The following SBNO2 variants were observed in gnomAD, a reference collection of about 807,000 sequenced individuals.
SBNO2 encodes strawberry notch homolog 2, also known as protein strawberry notch homolog 2.
Under a neutral mutation model 146.3 loss-of-function variants are expected in SBNO2, and 89 were observed. The ratio of observed to expected loss-of-function variants is 0.61; its 90% confidence interval spans 0.51 to 0.73. SBNO2 has a LOEUF of 0.73. Ranked by LOEUF, SBNO2 falls within the 30% of genes least tolerant of loss-of-function variation. The pLI is 0.00. For missense variants in SBNO2, 2,092 were observed against 2,003.7 expected (o/e 1.04, Z -0.84); for synonymous variants, 1,147 against 892.6 (o/e 1.29, Z -5.08).
chr19:1,147,200 G>T, intron 4 of SBNO2, 109 bp downstream of exon 4: 1 of 715,548 alleles, frequency 1.4e-6, no homozygotes. Flanking sequence ...CCAAGCCGAG[G>T]TCACTGAGTC....
rs749107699 is a variant in SBNO2, at chr19:1,109,822, G to C, written c.3029-45C>G. On this transcript the variant is annotated intron_variant, in intron 26 of 31. Coordinates refer to ENST00000361757, the MANE Select transcript of SBNO2 (RefSeq NM_014963.3). This position sits in a 1 kb window ranked among gnomAD's most constrained non-coding sequence, Gnocchi z 4.2. ...GTAAGTGGTGTCCAGGCCTGGGACTGTGGGCTGGGGCCAGGGTCAGTCCCG... is the reference window on the plus strand; with the variant it reads ...GTAAGTGGTGTCCAGGCCTGGGACTCTGGGCTGGGGCCAGGGTCAGTCCCG... 1.8e-5 allele frequency: 26 copies of C among 1,425,614 alleles called. No individual in the cohort carries two copies. Among genetic ancestry groups the C allele is most frequent in the Non-Finnish European group, 2.4e-5 (25 of 1,034,996 alleles). 88.3% of individuals were successfully genotyped at this position (1,425,614 alleles called of 1,614,324 possible). A position where few individuals can be genotyped will look rare whatever the true frequency, so the allele number is the denominator to read the frequency against.
chr19:1,135,759 G>A (rs576340199), intron 4 of SBNO2, among the ~76,000 whole-genome samples: 4 of 152,330 alleles, frequency 2.6e-5, no homozygotes, highest in East Asian at 1.9e-4. Flanking sequence ...AACAGGCTAC[G>A]GGGATGGGAG....
rs1375004212 is a variant in SBNO2, at chr19:1,140,193, G to A, written c.279+7116C>T. Among the ~76,000 whole-genome samples the A allele has an allele frequency of 5.9e-5, 9 of 151,830 alleles. No homozygotes were observed. Among genetic ancestry groups the A allele is most frequent in the Non-Finnish European group, 2.9e-5 (2 of 67,942 alleles). On this transcript the variant is annotated intron_variant, in intron 4 of 31. Transcript: ENST00000361757. The surrounding 1 kb of genome is among the most constrained non-coding windows in gnomAD (Gnocchi z 4.4). Reference sequence around the variant, plus strand: ...TGGGCACCTGTAGTCCCAGCTACTCGGGAGGCTGAGGCGGGAGAATGGCAT... The same window carrying A: ...TGGGCACCTGTAGTCCCAGCTACTCAGGAGGCTGAGGCGGGAGAATGGCAT...
At chr19:1,162,970 G>A (rs980682050) in intron 1 of SBNO2, among the ~76,000 whole-genome samples, 1 of 152,132 alleles carries the variant, frequency 6.6e-6, no homozygotes, top group African/African-American at 2.4e-5. Flanking sequence ...AGCCTGTGCT[G>A]GGGACGTATG....
chr19:1,121,406 G>C (rs1168147174), intron 11 of SBNO2, among the ~76,000 whole-genome samples: 1 of 152,208 alleles, frequency 6.6e-6, no homozygotes, highest in Non-Finnish European at 1.5e-5. Flanking sequence ...TTTCTGGCCA[G>C]TCTGAATGTT....
intron 3 of SBNO2, among the ~76,000 whole-genome samples, chr19:1,148,364 T>C (rs1173689312): frequency 6.6e-6 from 1 of 151,964 alleles, no homozygotes; most frequent in Non-Finnish European, 1.5e-5. Context: ...TGGCTATACC[T>C]GCTCCCAAGC....
In SBNO2 at chr19:1,122,790, TGC is replaced by T; in HGVS notation, c.781-1_781del. The T allele has an allele frequency of 6.5e-7, 1 of 1,538,018 alleles. No homozygotes were observed. The highest frequency in any genetic ancestry group is 8.7e-7 in the Non-Finnish European group (1 of 1,146,300). On this transcript the variant is annotated splice_acceptor_variant and coding_sequence_variant, in exon 9 of 32. Transcript: ENST00000361757. LOFTEE classifies it high-confidence loss of function. ...CCCGCTGGGGAGCAGGACCTCGTGT[TGC>T]TGTTGCCGGAGAGCAGGCGTCAGGG...
rs949821071 is a variant in SBNO2 at position 1,140,425 on chromosome 19, G to GA, written c.279+6883dup. On this transcript the variant is annotated intron_variant, in intron 4 of 31. Transcript: ENST00000361757. This position sits in a 1 kb window ranked among gnomAD's most constrained non-coding sequence, Gnocchi z 4.4. ...TGAGCCATCACCCACCAGGGACATT[G>GA]AGCCTGATGGCTTCGCGCCAACCTG... Among the ~76,000 whole-genome samples, 2 of 152,330 alleles carry GA rather than the reference G, an allele frequency of 1.3e-5. No individual in the cohort carries two copies. Among genetic ancestry groups the GA allele is most frequent in the Non-Finnish European group, 2.9e-5 (2 of 68,026 alleles).
chr19:1,149,676 AC>A (rs1440493736), intron 2 of SBNO2, among the ~76,000 whole-genome samples: 1 of 152,060 alleles, frequency 6.6e-6, no homozygotes, highest in Non-Finnish European at 1.5e-5. Flanking sequence ...GCACTGAACC[AC>A]CCGCGTGAAG....
At chr19:1,156,977 CACAGCCCT>C (rs2080296181) in intron 1 of SBNO2, among the ~76,000 whole-genome samples, 6 of 151,506 alleles carry the variant, frequency 4.0e-5, no homozygotes, top group East Asian at 2.0e-4. Flanking sequence ...CCTCAGGACC[CACAGCCCT>C]GCCTTTCCGC....
chr19:1,146,950 G>A (rs2080196415), intron 4 of SBNO2, among the ~76,000 whole-genome samples: 1 of 152,180 alleles, frequency 6.6e-6, no homozygotes, highest in East Asian at 1.9e-4. Context: ...GGACTCCAAT[G>A]TGCAGGGTGT....
rs1298557421 is a variant in SBNO2, at chr19:1,108,426, C to T, written c.3895G>A (p.Asp1299Asn). 1 of 1,259,464 alleles carries T rather than the reference C, an allele frequency of 7.9e-7. No homozygotes were observed. Among genetic ancestry groups the T allele is most frequent in the Non-Finnish European group, 1.0e-6 (1 of 997,180 alleles). 78.0% of individuals were successfully genotyped at this position (1,259,464 alleles called of 1,614,324 possible). ...VPLGTPDAQADPAALAHQGCD... is the reference protein window; with the variant it reads ...VPLGTPDAQANPAALAHQGCD... ...CCCTGGTGCGCGAGGGCCGCAGGGT[C>T]GGCCTGGGCGTCGGGGGTGCCCAGC... The change falls in exon 32 of 32, where the codon GAC becomes AAC. Residue 1299 changes from aspartate to asparagine, a missense_variant. Coordinates refer to ENST00000361757, the MANE Select transcript of SBNO2 (RefSeq NM_014963.3).
intron 11 of SBNO2, among the ~76,000 whole-genome samples, chr19:1,121,382 A>G (rs957328676): frequency 1.3e-5 from 2 of 152,170 alleles, no homozygotes; most frequent in Non-Finnish European, 2.9e-5. Context: ...AGACACCAGC[A>G]GTCTCCCGTT....
rs2080269540 is a variant in SBNO2 at position 1,154,343 on chromosome 19, C to T, written c.-67G>A. The T allele has an allele frequency of 2.2e-6, 2 of 891,810 alleles. No individual in the cohort carries two copies. The highest frequency in any genetic ancestry group is 3.5e-5 in the African/African-American group (2 of 57,684). The allele number at this position is 891,810 out of a possible 1,614,324, so 55.2% of individuals were successfully genotyped here. The stretch of plus-strand genomic sequence containing the variant: ...GGCGGGACTCCAGGACCCGGGGCCG[C>T]CGGGGCGTCTATCTGGGCTTCTCGC... On this transcript the variant is annotated 5_prime_UTR_variant, in exon 2 of 32. Coordinates refer to ENST00000361757, the MANE Select transcript of SBNO2 (RefSeq NM_014963.3).
intron 7 of SBNO2, 38 bp from the exon 8 acceptor site, chr19:1,123,083 GGCCAAGGGGT>G: frequency 6.3e-7 from 1 of 1,579,682 alleles, no homozygotes; most frequent in Non-Finnish European, 8.6e-7. Flanking sequence ...TAAAGGGTAT[GGCCAAGGGGT>G]GACCAGGGCC....
chr19:1,152,465 C>T (rs1349654516), intron 2 of SBNO2, among the ~76,000 whole-genome samples: 1 of 152,070 alleles, frequency 6.6e-6, no homozygotes, highest in East Asian at 1.9e-4. Context: ...TGGAGCTGTT[C>T]CGGTGGGGAT....
At chr19:1,127,898 G>A (rs1246534194) in intron 4 of SBNO2, 133 bp from the exon 5 acceptor site, 7 of 773,226 alleles carry the variant, frequency 9.1e-6, no homozygotes, top group Admixed American at 7.4e-5. Flanking sequence ...GAGACACCAC[G>A]GCCCTCCCAG....
chr19:1,154,104 C>T (rs562399501), intron 2 of SBNO2, 80 bp downstream of exon 2: 76 of 668,734 alleles, frequency 1.1e-4, no homozygotes, highest in South Asian at 1.1e-3. Flanking sequence ...GCATTCCGCA[C>T]GACGTGACCC....
chr19:1,141,893 G>A (rs1462366519), intron 4 of SBNO2, among the ~76,000 whole-genome samples: 1 of 152,056 alleles, frequency 6.6e-6, no homozygotes, highest in Non-Finnish European at 1.5e-5. Flanking sequence ...AAAGTGCTGG[G>A]ATCACAGGCG....
Sources: allele counts gnomAD v4.1 joint callset (sites outside exome capture counted in the v4.1 genomes callset), GRCh38; gene constraint gnomAD v4.1.1; non-coding constraint Gnocchi (gnomAD v3.1); transcripts MANE v1.5; gene names NCBI Gene and HGNC (gene_info 2026-07-23, HGNC 2026-07-21).